Variants in PAPSS1 observed in about 807,000 individuals in gnomAD.
PAPSS1 encodes bifunctional 3'-phosphoadenosine 5'-phosphosulfate synthase 1.
Under a neutral mutation model 72.0 loss-of-function variants are expected in PAPSS1, and 50 were observed. That is an observed-to-expected ratio of 0.69 (90% CI 0.55 to 0.88). The LOEUF (loss-of-function observed/expected upper bound fraction) is 0.88, where lower values mean the gene tolerates loss of function less well. PAPSS1 is among the 40% of genes least tolerant of loss of function. The pLI, the probability that PAPSS1 is intolerant of heterozygous loss-of-function variation, is 0.00. For synonymous variants in PAPSS1, 261 were observed against 263.6 expected, an observed-to-expected ratio of 0.99 and a Z score of 0.09; for missense variants, 657 against 782.2, an observed-to-expected ratio of 0.84 and a Z score of 1.91.
chr4:107,681,397 G>A (rs1722603508), intron 5 of PAPSS1, among the ~76,000 whole-genome samples: 1 of 152,102 alleles, frequency 6.6e-6, no homozygotes, highest in African/African-American at 2.4e-5. Context: ...GGGGATTGAG[G>A]GTAGTATGGA....
chr4:107,641,418 G>A (rs896162863), intron 10 of PAPSS1, among the ~76,000 whole-genome samples: 5 of 152,120 alleles, frequency 3.3e-5, no homozygotes, highest in Non-Finnish European at 4.4e-5. Context: ...GTTGAGCCCA[G>A]TTCTATACTG....
chr4:107,628,577 C>T (rs751371023), intron 11 of PAPSS1, among the ~76,000 whole-genome samples: 4 of 152,112 alleles, frequency 2.6e-5, no homozygotes, highest in Non-Finnish European at 4.4e-5. Context: ...GTAGAGCTGA[C>T]ACTGATAAAA....
intron 5 of PAPSS1, among the ~76,000 whole-genome samples, chr4:107,678,307 G>A (rs1727714889): frequency 6.6e-6 from 1 of 151,940 alleles, no homozygotes; most frequent in East Asian, 1.9e-4. Context: ...CTAAGAAAAC[G>A]ATACACAACA....
At chr4:107,688,694 T>G (rs560365099) in intron 3 of PAPSS1, among the ~76,000 whole-genome samples, 205 of 152,190 alleles carry the variant, frequency 1.3e-3, no homozygotes, top group Non-Finnish European at 1.9e-3. Flanking sequence ...ACTGCTCACC[T>G]TACACAGTTC....
At chr4:107,689,209 C>T (rs1722858361) in intron 3 of PAPSS1, among the ~76,000 whole-genome samples, 1 of 152,206 alleles carries the variant, frequency 6.6e-6, no homozygotes, top group Non-Finnish European at 1.5e-5. Context: ...CTCTCTGCCA[C>T]TACTGGGGTA....
chr4:107,694,125 G>T, intron 2 of PAPSS1, 119 bp from the exon 3 acceptor site: 1 of 692,256 alleles, frequency 1.4e-6, no homozygotes, highest in Non-Finnish European at 2.4e-6. Flanking sequence ...GGAGTGCAGA[G>T]GCTGCATAGC....
intron 1 of PAPSS1, 34 bp downstream of exon 1, chr4:107,720,086 G>A (rs1218821528): frequency 1.3e-6 from 2 of 1,592,452 alleles, no homozygotes; most frequent in Non-Finnish European, 8.5e-7. Flanking sequence ...CAGCCCCTCC[G>A]CTCCTCGCCG....
chr4:107,634,969 T>G (rs1726325444), intron 10 of PAPSS1, among the ~76,000 whole-genome samples: 1 of 151,936 alleles, frequency 6.6e-6, no homozygotes, highest in South Asian at 2.1e-4. Flanking sequence ...AGCTAATTTT[T>G]TTGTATTTTT....
chr4:107,617,193 A>G (rs1431659846), intron 11 of PAPSS1, among the ~76,000 whole-genome samples: 1 of 144,782 alleles, frequency 6.9e-6, no homozygotes. Flanking sequence ...CACAGGGTTT[A>G]TATGAGTCTT....
chr4:107,647,917 G>C (rs1437435259), intron 9 of PAPSS1, among the ~76,000 whole-genome samples: 1 of 152,114 alleles, frequency 6.6e-6, no homozygotes, highest in African/African-American at 2.4e-5. Flanking sequence ...CTTCCTTCCA[G>C]TTCACCGGAC....
intron 11 of PAPSS1, among the ~76,000 whole-genome samples, chr4:107,630,432 T>C (rs751302898): frequency 6.6e-6 from 1 of 152,162 alleles, no homozygotes; most frequent in African/African-American, 2.4e-5. Flanking sequence ...TGAGTTCTCA[T>C]AGATCTGACG....
intron 1 of PAPSS1, among the ~76,000 whole-genome samples, chr4:107,707,565 T>G (rs1387583808): frequency 6.6e-6 from 1 of 152,158 alleles, no homozygotes; most frequent in Non-Finnish European, 1.5e-5. Flanking sequence ...GCAAAATCTT[T>G]TGCTTACTGC....
At chr4:107,640,313 T>C (rs547632023) in intron 10 of PAPSS1, among the ~76,000 whole-genome samples, 122 of 152,286 alleles carry the variant, frequency 8.0e-4, no homozygotes, top group African/African-American at 2.8e-3. Context: ...ATTCAAGCCA[T>C]AAAATCTTTA....
At chr4:107,700,800 T>A (rs777617956) in intron 2 of PAPSS1, among the ~76,000 whole-genome samples, 6 of 152,216 alleles carry the variant, frequency 3.9e-5, no homozygotes, top group Non-Finnish European at 5.9e-5. Flanking sequence ...TTTCTATTCA[T>A]ATAAATTACC....
rs2726194 is a variant in PAPSS1, at chr4:107,617,416, T to C, written c.1737-3029A>G. 2.2e-4 allele frequency among the ~76,000 whole-genome samples: 34 copies of C among 152,238 alleles called. No individual in the cohort carries two copies. In the East Asian group the frequency reaches 6.0e-3, roughly 27 times the overall value. Reference sequence around the variant, plus strand: ...ATTTTAACAAATGTTCCACTCCCCTTTGAAACATGTCTAAGAGTTTTACTC... The same window carrying C: ...ATTTTAACAAATGTTCCACTCCCCTCTGAAACATGTCTAAGAGTTTTACTC... On this transcript the variant is annotated intron_variant, in intron 11 of 11. Coordinates refer to ENST00000265174, the MANE Select transcript of PAPSS1 (RefSeq NM_005443.5).
intron 5 of PAPSS1, among the ~76,000 whole-genome samples, chr4:107,672,689 C>T (rs1300029089): frequency 3.0e-4 from 46 of 152,276 alleles, no homozygotes; most frequent in African/African-American, 6.3e-4. Context: ...CAGACTTAAA[C>T]GTCCCTGTCT....
At chr4:107,662,144 A>G (rs1727197931) in intron 5 of PAPSS1, among the ~76,000 whole-genome samples, 1 of 152,196 alleles carries the variant, frequency 6.6e-6, no homozygotes, top group African/African-American at 2.4e-5. Flanking sequence ...AGAAATAAAC[A>G]CCGCTAGCTA....
In PAPSS1 at chr4:107,719,125, T is replaced by A. The variant is rs146871581; in HGVS notation, c.60+995A>T. Among the ~76,000 whole-genome samples the A allele has an allele frequency of 1.1e-3, 168 of 151,670 alleles. 1 individual carries two copies. The highest frequency in any genetic ancestry group is 3.9e-3 in the African/African-American group (161 of 41,494). On this transcript the variant is annotated intron_variant, in intron 1 of 11. Transcript: ENST00000265174. ...AGAGGAATCAGTAAACAACTCATGA[T>A]AACAATAACAACAGATGTGGTAAAT... is the stretch of plus-strand genomic sequence containing the variant.
intron 10 of PAPSS1, among the ~76,000 whole-genome samples, chr4:107,635,202 A>C (rs1301758849): frequency 2.6e-5 from 4 of 152,112 alleles, no homozygotes; most frequent in African/African-American, 9.7e-5. Flanking sequence ...TTTTAGATAG[A>C]CTTCATCAAT....
Sources: gnomAD v4.1 joint callset for allele counts (sites outside exome capture counted in the v4.1 genomes callset) on GRCh38, gnomAD v4.1.1 for gene constraint, MANE v1.5 for transcripts, NCBI Gene and HGNC (gene_info 2026-07-23, HGNC 2026-07-21) for gene names.